The following DSCAM variants were observed in gnomAD, a reference collection of about 807,000 sequenced individuals.
The protein encoded by DSCAM is DS cell adhesion molecule, also known as cell adhesion molecule DSCAM.
A neutral mutation model predicts 217.7 loss-of-function variants in DSCAM; 47 were observed. The ratio of observed to expected loss-of-function variants is 0.22; its 90% confidence interval spans 0.17 to 0.28. The LOEUF is 0.28. DSCAM is among the 10% of genes least tolerant of loss of function. DSCAM has a pLI of 1.00. For synonymous variants in DSCAM, 1,056 were observed against 1,015.3 expected, an observed-to-expected ratio of 1.04 and a Z score of -0.76; for missense variants, 2,080 against 2,618.3, an observed-to-expected ratio of 0.79 and a Z score of 4.49.
intron 1 of DSCAM, among the ~76,000 whole-genome samples, chr21:40,760,151 A>G (rs2091317846): frequency 6.6e-6 from 1 of 151,652 alleles, no homozygotes; most frequent in African/African-American, 2.4e-5. Context: ...ATGCCACCAC[A>G]CCCAGCTAAT....
At chr21:40,539,834 C>T (rs1482141456) in intron 3 of DSCAM, among the ~76,000 whole-genome samples, 1 of 152,006 alleles carries the variant, frequency 6.6e-6, no homozygotes, top group East Asian at 1.9e-4. Context: ...CAGATAAGAC[C>T]CAGGGCATTC....
intron 3 of DSCAM, among the ~76,000 whole-genome samples, chr21:40,518,610 A>C (rs2076333767): frequency 8.5e-6 from 1 of 118,106 alleles, no homozygotes; most frequent in Admixed American, 1.0e-4. Context: ...ATATACATAC[A>C]CACACATATA....
chr21:40,831,984 A>G (rs2092015210), intron 1 of DSCAM, among the ~76,000 whole-genome samples: 1 of 152,228 alleles, frequency 6.6e-6, no homozygotes, highest in Admixed American at 6.5e-5. Context: ...GAGAAGATTT[A>G]AAGACTGTGA....
chr21:40,328,062 T>A (rs2074336971), intron 8 of DSCAM, among the ~76,000 whole-genome samples: 1 of 151,996 alleles, frequency 6.6e-6, no homozygotes, highest in South Asian at 2.1e-4. Context: ...AAAATGCCCA[T>A]CTTACCTGAA....
At chr21:40,218,554 T>C (rs187049710) in intron 11 of DSCAM, among the ~76,000 whole-genome samples, 1 of 152,302 alleles carries the variant, frequency 6.6e-6, no homozygotes, top group Non-Finnish European at 1.5e-5. Context: ...TTGATAGCTA[T>C]AGCACTGAAT....
intron 3 of DSCAM, among the ~76,000 whole-genome samples, chr21:40,550,145 C>T (rs553334042): frequency 6.6e-6 from 1 of 152,270 alleles, no homozygotes; most frequent in African/African-American, 2.4e-5. Context: ...ACACCGAGCC[C>T]CAGGCCTGAC....
chr21:40,610,105 C>A (rs2089293391), intron 3 of DSCAM, among the ~76,000 whole-genome samples: 1 of 152,236 alleles, frequency 6.6e-6, no homozygotes, highest in South Asian at 2.1e-4. Context: ...ACACGAACAT[C>A]TCGAGGATTC....
chr21:40,498,557 T>G (rs2076137456), intron 3 of DSCAM, among the ~76,000 whole-genome samples: 2 of 149,890 alleles, frequency 1.3e-5, no homozygotes, highest in Admixed American at 1.3e-4. Flanking sequence ...CACATGTATT[T>G]CACATATACC....
intron 1 of DSCAM, among the ~76,000 whole-genome samples, chr21:40,783,594 G>A (rs1422613771): frequency 6.6e-6 from 1 of 152,172 alleles, no homozygotes; most frequent in Non-Finnish European, 1.5e-5. Context: ...ACACAGGAAA[G>A]GCATCTGTGG....
intron 1 of DSCAM, among the ~76,000 whole-genome samples, chr21:40,815,049 G>T (rs906531621): frequency 4.6e-5 from 7 of 152,212 alleles, no homozygotes; most frequent in Non-Finnish European, 1.0e-4. Context: ...TCAGAAAGAA[G>T]ATGCTGAAAT....
At chr21:40,829,409 G>A (rs1359140897) in intron 1 of DSCAM, among the ~76,000 whole-genome samples, 1 of 152,218 alleles carries the variant, frequency 6.6e-6, no homozygotes, top group Non-Finnish European at 1.5e-5. Flanking sequence ...GCCCACTCGA[G>A]GTTTGTGGTC....
At chr21:40,738,555 CT>C (rs1224304738) in intron 1 of DSCAM, among the ~76,000 whole-genome samples, 1 of 152,170 alleles carries the variant, frequency 6.6e-6, no homozygotes, top group Non-Finnish European at 1.5e-5. Context: ...ATTCAGGAAC[CT>C]TGGTTCTTGC....
chr21:40,620,191 A>AAAAGAAAG (rs1214771983), intron 3 of DSCAM, among the ~76,000 whole-genome samples: 6 of 131,036 alleles, frequency 4.6e-5, no homozygotes, highest in African/African-American at 1.5e-4. Flanking sequence ...AGAAAAAAGA[A>AAAAGAAAG]AAAGAAAGAA....
chr21:40,726,060 C>T (rs1460064865), intron 1 of DSCAM, among the ~76,000 whole-genome samples: 4 of 152,146 alleles, frequency 2.6e-5, no homozygotes, highest in African/African-American at 9.6e-5. Flanking sequence ...AACAGAACAA[C>T]AAACATACAG....
At chr21:40,800,398 AGAAAAAGCCTG>A (rs1480297112) in intron 1 of DSCAM, among the ~76,000 whole-genome samples, 7 of 152,184 alleles carry the variant, frequency 4.6e-5, no homozygotes, top group Admixed American at 1.3e-4. Flanking sequence ...GGAGCAGGCT[AGAAAAAGCCTG>A]GATTCTGGTG....
chr21:40,507,718 AG>A (rs1203100908), intron 3 of DSCAM, among the ~76,000 whole-genome samples: 10 of 152,136 alleles, frequency 6.6e-5, no homozygotes, highest in Admixed American at 6.5e-4. Context: ...TGAGCCTGGA[AG>A]GTGGAGGTTG....
At chr21:40,263,070 T>C (rs1432598728) in intron 11 of DSCAM, among the ~76,000 whole-genome samples, 1 of 152,186 alleles carries the variant, frequency 6.6e-6, no homozygotes, top group African/African-American at 2.4e-5. Context: ...TAAAATGCCA[T>C]ACAAAATTCA....
chr21:40,189,381 G>T (rs915937807), intron 11 of DSCAM, 143 bp from the exon 12 acceptor site: 1 of 766,392 alleles, frequency 1.3e-6, no homozygotes, highest in Non-Finnish European at 2.0e-6. Flanking sequence ...AGAATCTCGA[G>T]CAAAATAAAG....
chr21:40,305,709 C>T (rs57909059), intron 9 of DSCAM, among the ~76,000 whole-genome samples: 15,965 of 152,000 alleles, frequency 0.11, 1,347 homozygotes, highest in African/African-American at 0.23. Context: ...ATCCTTTCCC[C>T]ATTGCTTGTT....
Sources: gnomAD v4.1 joint callset for allele counts (sites outside exome capture counted in the v4.1 genomes callset) on GRCh38, gnomAD v4.1.1 for gene constraint, MANE v1.5 for transcripts, NCBI Gene and HGNC (gene_info 2026-07-23, HGNC 2026-07-21) for gene names.